NELL1: variants seen among roughly 807,000 people sequenced by gnomAD.
NELL1 encodes the protein protein kinase C-binding protein NELL1.
In NELL1, 76 loss-of-function variants were observed where a neutral mutation model predicts 107.4. The observed-to-expected ratio is 0.71, with a 90% confidence interval of 0.59 to 0.86. The LOEUF (loss-of-function observed/expected upper bound fraction) is 0.86. Ranked by LOEUF, NELL1 falls within the 40% of genes least tolerant of loss-of-function variation. NELL1 has a pLI of 0.00. For missense variants in NELL1, 1,024 were observed against 1,005.5 expected, an observed-to-expected ratio of 1.02 and a Z score of -0.25; for synonymous variants, 353 against 341.2, an observed-to-expected ratio of 1.03 and a Z score of -0.38.
chr11:21,037,332 C>T (rs1446169677), intron 12 of NELL1, among the ~76,000 whole-genome samples: 1 of 152,036 alleles, frequency 6.6e-6, no homozygotes, highest in African/African-American at 2.4e-5. Context: ...AACTGCTAAC[C>T]TTGGGCCACT....
chr11:21,558,331 T>G (rs1050625037), intron 16 of NELL1, among the ~76,000 whole-genome samples: 8 of 151,852 alleles, frequency 5.3e-5, no homozygotes, highest in African/African-American at 1.9e-4. Flanking sequence ...TTATATATAT[T>G]TATGGTGTAC....
chr11:20,921,991 T>C (rs996315812), intron 7 of NELL1, among the ~76,000 whole-genome samples: 3 of 152,088 alleles, frequency 2.0e-5, no homozygotes, highest in African/African-American at 7.2e-5. Flanking sequence ...TTAAGGATTT[T>C]CAAGGAAGAT....
intron 15 of NELL1, among the ~76,000 whole-genome samples, chr11:21,523,916 T>C (rs1393302607): frequency 1.3e-5 from 2 of 152,142 alleles, no homozygotes; most frequent in Non-Finnish European, 2.9e-5. Context: ...TGAGAACATA[T>C]ATACATACGT....
chr11:21,208,586 C>T (rs946948987), intron 13 of NELL1, among the ~76,000 whole-genome samples: 28 of 152,190 alleles, frequency 1.8e-4, no homozygotes, highest in African/African-American at 5.8e-4. Context: ...TTCCTCTCTG[C>T]ACCTCTATCC....
rs186791187 is a variant in NELL1, at chr11:20,847,046, C to A, written c.336-537C>A. 2.6e-5 allele frequency among the ~76,000 whole-genome samples: 4 copies of A among 152,288 alleles called. No individual in the cohort carries two copies. The East Asian group carries it at 7.7e-4, about 29-fold the overall frequency. ...CTAATTCCTATGTGACTAGCTTCAA[C>A]CTTTTCTCCCCTACTCATTATCTAG... is the stretch of plus-strand genomic sequence containing the variant. On this transcript the variant is annotated intron_variant, in intron 3 of 19. Coordinates refer to ENST00000357134, the MANE Select transcript of NELL1 (RefSeq NM_006157.5).
chr11:20,818,901 T>C (rs1021200762), intron 3 of NELL1, among the ~76,000 whole-genome samples: 1 of 152,188 alleles, frequency 6.6e-6, no homozygotes, highest in Non-Finnish European at 1.5e-5. Context: ...GTACTTCAAA[T>C]GTGTGGTGGC....
chr11:21,434,548 A>G (rs537946112), intron 15 of NELL1, among the ~76,000 whole-genome samples: 50 of 151,904 alleles, frequency 3.3e-4, no homozygotes, highest in African/African-American at 7.0e-4. Context: ...TCATTGATCT[A>G]TTTTTCTATT....
chr11:21,523,924 C>T (rs765499943), intron 15 of NELL1, among the ~76,000 whole-genome samples: 13 of 151,754 alleles, frequency 8.6e-5, no homozygotes, highest in Non-Finnish European at 1.5e-4. Context: ...TATATACATA[C>T]GTATATGTAT....
At chr11:20,699,832 T>A (rs1184561527) in intron 2 of NELL1, among the ~76,000 whole-genome samples, 1 of 152,194 alleles carries the variant, frequency 6.6e-6, no homozygotes, top group African/African-American at 2.4e-5. Context: ...GTAGTTCTAC[T>A]TTAGTTCTTT....
At chr11:20,722,917 C>T (rs1447550166) in intron 2 of NELL1, among the ~76,000 whole-genome samples, 1 of 151,994 alleles carries the variant, frequency 6.6e-6, no homozygotes, top group East Asian at 1.9e-4. Context: ...AGGAAAGTTA[C>T]AATTATGGTG....
intron 15 of NELL1, among the ~76,000 whole-genome samples, chr11:21,435,494 T>G (rs1048812539): frequency 1.5e-5 from 2 of 129,166 alleles, no homozygotes; most frequent in South Asian, 5.4e-4. Flanking sequence ...TTTTTGTTTT[T>G]TGTTTTTTGT....
intron 16 of NELL1, among the ~76,000 whole-genome samples, chr11:21,559,196 G>A (rs1052755447): frequency 3.9e-5 from 6 of 152,086 alleles, no homozygotes; most frequent in African/African-American, 1.4e-4. Flanking sequence ...TGCATAGCAG[G>A]TAAACCAAAA....
intron 14 of NELL1, among the ~76,000 whole-genome samples, chr11:21,272,945 G>A (rs1173313596): frequency 6.6e-6 from 1 of 152,156 alleles, no homozygotes; most frequent in African/African-American, 2.4e-5. Context: ...AAACCACAAA[G>A]ATGGGGAAAA....
chr11:21,348,982 C>T (rs1590859385), intron 14 of NELL1, among the ~76,000 whole-genome samples: 1 of 152,142 alleles, frequency 6.6e-6, no homozygotes, highest in Non-Finnish European at 1.5e-5. Context: ...TACGAAGAGC[C>T]TTCACAGGTC....
chr11:21,192,704 T>C (rs2133837496), intron 13 of NELL1, among the ~76,000 whole-genome samples: 1 of 151,890 alleles, frequency 6.6e-6, no homozygotes, highest in South Asian at 2.1e-4. Context: ...TTTTAAGAAG[T>C]AGAGGTTTGT....
chr11:21,309,230 A>G (rs1391078602), intron 14 of NELL1, among the ~76,000 whole-genome samples: 2 of 144,166 alleles, frequency 1.4e-5, no homozygotes, highest in Non-Finnish European at 3.0e-5. Context: ...CTTAAAGCCT[A>G]TTAAAAAAAC....
intron 14 of NELL1, among the ~76,000 whole-genome samples, chr11:21,320,546 T>C (rs572534596): frequency 4.6e-5 from 7 of 152,294 alleles, no homozygotes; most frequent in Non-Finnish European, 5.9e-5. Context: ...ACAATGCCCC[T>C]GAAAAGTGGA....
At chr11:21,516,758 CACAG>C (rs10549736) in intron 15 of NELL1, among the ~76,000 whole-genome samples, 17,733 of 150,558 alleles carry the variant, frequency 0.12, 1,057 homozygotes, top group South Asian at 0.16. Flanking sequence ...CACACACACA[CACAG>C]ACACACACAC....
intron 12 of NELL1, among the ~76,000 whole-genome samples, chr11:20,968,281 A>G (rs1386150776): frequency 1.3e-5 from 2 of 152,172 alleles, no homozygotes; most frequent in Non-Finnish European, 2.9e-5. Flanking sequence ...CAGCAATTTT[A>G]TTTTATTCAC....
Sources: gnomAD v4.1 joint callset for allele counts (sites outside exome capture counted in the v4.1 genomes callset) on GRCh38, gnomAD v4.1.1 for gene constraint, MANE v1.5 for transcripts, NCBI Gene and HGNC (gene_info 2026-07-23, HGNC 2026-07-21) for gene names.